The following KCNT1 variants were observed in gnomAD, a reference collection of about 807,000 sequenced individuals.
KCNT1 encodes potassium sodium-activated channel subfamily T member 1.
Under a neutral mutation model 147.8 loss-of-function variants are expected in KCNT1, and 78 were observed. That is an observed-to-expected ratio of 0.53 (90% CI 0.44 to 0.64). The LOEUF (loss-of-function observed/expected upper bound fraction) is 0.64, where lower values mean the gene tolerates loss of function less well. Ranked by LOEUF, KCNT1 falls within the 30% of genes least tolerant of loss-of-function variation. The pLI is 0.00. For missense variants in KCNT1, 1,419 were observed against 1,750.3 expected (o/e 0.81, Z 3.38); for synonymous variants, 867 against 748.8 (o/e 1.16, Z -2.58).
chr9:135,768,315 A>T (rs1218982778), intron 13 of KCNT1, among the ~76,000 whole-genome samples: 1 of 30,272 alleles, frequency 3.3e-5, no homozygotes, highest in African/African-American at 1.4e-4. Flanking sequence ...GCACACAAGG[A>T]TGCCCGTGGG....
chr9:135,707,091 C>T (rs1375925988), intron 1 of KCNT1, among the ~76,000 whole-genome samples: 2 of 150,066 alleles, frequency 1.3e-5, no homozygotes, highest in Admixed American at 6.7e-5. Flanking sequence ...TGGAGACCAA[C>T]TTAAGCAACA....
chr9:135,789,899 G>C (rs553453596), intron 29 of KCNT1: 1 of 152,298 alleles, frequency 6.6e-6, no homozygotes. Context: ...CGCGAAGCTA[G>C]TCCTCTGCGA....
rs1399451901 is a variant in KCNT1, at chr9:135,795,407, G to A, written c.*3246G>A. On this transcript the variant is annotated 3_prime_UTR_variant, in exon 31 of 31. Coordinates refer to ENST00000371757, the MANE Select transcript of KCNT1 (RefSeq NM_020822.3). ...TGCCGTGAGCTGAGATGGCACCACTGCACTCCAGCCTGGGTGGCAGAGAGA... is the reference window on the plus strand; with the variant it reads ...TGCCGTGAGCTGAGATGGCACCACTACACTCCAGCCTGGGTGGCAGAGAGA... The A allele has an allele frequency of 6.6e-6, 1 of 152,210 alleles. No homozygotes were observed. The highest frequency in any genetic ancestry group is 1.5e-5 in the Non-Finnish European group (1 of 68,046). The allele number at this position is 152,210 out of a possible 1,614,324, so 9.4% of individuals were successfully genotyped here. A position where few individuals can be genotyped will look rare whatever the true frequency, so the allele number is the denominator to read the frequency against.
chr9:135,763,120 C>T (rs902359465), intron 11 of KCNT1, among the ~76,000 whole-genome samples: 3 of 152,244 alleles, frequency 2.0e-5, no homozygotes, highest in Admixed American at 6.5e-5. Flanking sequence ...CTCCCATCAG[C>T]CCTGCCGGAC....
chr9:135,779,290 C>T, intron 23 of KCNT1, 69 bp from the exon 24 acceptor site: 1 of 886,032 alleles, frequency 1.1e-6, no homozygotes, highest in East Asian at 2.6e-5. Context: ...GCCACATGAT[C>T]ATGGGCCCCC....
intron 2 of KCNT1, among the ~76,000 whole-genome samples, chr9:135,738,267 C>A (rs963929603): frequency 6.6e-6 from 1 of 152,192 alleles, no homozygotes; most frequent in African/African-American, 2.4e-5. Context: ...CCCCGGCAGC[C>A]CCTGAGGTGC....
chr9:135,768,240 C>T (rs1302125223), intron 13 of KCNT1, among the ~76,000 whole-genome samples: 2 of 5,080 alleles, frequency 3.9e-4, no homozygotes, highest in East Asian at 0.022. Context: ...AGGATGCCTG[C>T]GGGGGGGGGG....
chr9:135,714,501 G>GC lies in KCNT1; in HGVS notation c.111-74dup. 1.1e-6 allele frequency: 1 copy of GC among 934,070 alleles called. No individual in the cohort carries two copies. The highest frequency in any genetic ancestry group is 1.8e-5 in the African/African-American group (1 of 55,668). The allele number at this position is 934,070 out of a possible 1,614,324, so 57.9% of individuals were successfully genotyped here. A position where few individuals can be genotyped will look rare whatever the true frequency, so the allele number is the denominator to read the frequency against. ...CCGCGGGCTGCGCTGCGCGGGCCGG[G>GC]CCTGGCGGGCCGGGGGCTGCGCGCG... On this transcript the variant is annotated intron_variant, in intron 1 of 30. Transcript: ENST00000371757. The surrounding 1 kb of genome is among the most constrained non-coding windows in gnomAD (Gnocchi z 6.2).
At chr9:135,739,152 C>G (rs1403500796) in intron 2 of KCNT1, among the ~76,000 whole-genome samples, 1 of 152,136 alleles carries the variant, frequency 6.6e-6, no homozygotes, top group Non-Finnish European at 1.5e-5. Context: ...GGCCCTAGCA[C>G]TGCACTGGGC....
At chr9:135,739,522 C>G (rs1408227434) in intron 2 of KCNT1, among the ~76,000 whole-genome samples, 1 of 151,998 alleles carries the variant, frequency 6.6e-6, no homozygotes, top group Non-Finnish European at 1.5e-5. Flanking sequence ...TCTCCAAGAA[C>G]CTGGCTGCTC....
intron 2 of KCNT1, among the ~76,000 whole-genome samples, chr9:135,736,028 G>A (rs1000075323): frequency 2.6e-5 from 4 of 152,254 alleles, no homozygotes; most frequent in African/African-American, 9.6e-5. Flanking sequence ...GGTGGGATCT[G>A]TGCCCGGTGC....
chr9:135,745,449 G>A (rs773193648), intron 2 of KCNT1, among the ~76,000 whole-genome samples: 64 of 152,350 alleles, frequency 4.2e-4, no homozygotes, highest in Middle Eastern at 3.4e-3. Context: ...GTCCACACCT[G>A]TGGCTTCATA....
intron 2 of KCNT1, chr9:135,736,988 C>A (rs1227378718): frequency 3.4e-6 from 1 of 290,534 alleles, no homozygotes; most frequent in East Asian, 5.3e-5. Flanking sequence ...CCACTCCCCC[C>A]ACGTAGGGGC....
intron 24 of KCNT1, among the ~76,000 whole-genome samples, chr9:135,782,190 C>T (rs903008812): frequency 5.3e-5 from 8 of 152,092 alleles, no homozygotes; most frequent in Admixed American, 1.3e-4. Context: ...GGCGACAGAG[C>T]GAGACCCTGT....
Position 135,725,050 on chromosome 9 carries a change from C to T in KCNT1, c.254+10330C>T, listed in dbSNP as rs116666814. 4.5e-3 allele frequency among the ~76,000 whole-genome samples: 678 copies of T among 152,326 alleles called. 3 individuals are homozygous for T. The highest frequency in any genetic ancestry group is 0.014 in the African/African-American group (577 of 41,578). ...CCCTGCCCCACCCAGGAGGCAACTG[C>T]GTGGGGGGGCGTGTGGTGGACACAT... On this transcript the variant is annotated intron_variant, in intron 2 of 30. Coordinates refer to ENST00000371757, the MANE Select transcript of KCNT1 (RefSeq NM_020822.3).
Position 135,786,590 on chromosome 9 carries a change from C to G in KCNT1, c.3502+69C>G. 4 of 1,419,550 alleles carry G rather than the reference C, an allele frequency of 2.8e-6. No homozygotes were observed. In the East Asian group the frequency reaches 8.1e-5, roughly 29 times the overall value. 87.9% of individuals were successfully genotyped at this position (1,419,550 alleles called of 1,614,324 possible). On this transcript the variant is annotated intron_variant, in intron 29 of 30. Transcript: ENST00000371757. ...GCCAGGGTCGGGCCACAGCCAAGAA[C>G]AGTCGGCCACGGCGTCCCGGGGCCC...
chr9:135,741,983 C>T (rs1177537743), intron 2 of KCNT1, among the ~76,000 whole-genome samples: 2 of 152,036 alleles, frequency 1.3e-5, no homozygotes. Context: ...ATCAGCCTCT[C>T]TCTCCGAGTT....
In KCNT1 at chr9:135,757,309, G is replaced by A. The variant is rs748796809; in HGVS notation, c.687G>A (p.Pro229=). 8.1e-6 allele frequency: 13 copies of A among 1,612,192 alleles called. No homozygotes were observed. Among genetic ancestry groups the A allele is most frequent in the South Asian group, 1.1e-5 (1 of 91,060 alleles). Residue 229 remains proline, a synonymous_variant, in exon 9 of 31, where the codon CCG becomes CCA. Transcript: ENST00000371757. ...TLPFIITIFW[P]PLRNLFIPVF... Reference sequence around the variant, plus strand: ...TGTCCCCTTCACAGATCTTCTGGCCGCCGCTGCGGAACCTGTTCATCCCCG... The same window carrying A: ...TGTCCCCTTCACAGATCTTCTGGCCACCGCTGCGGAACCTGTTCATCCCCG...
Position 135,777,613 on chromosome 9 carries a change from G to A in KCNT1, c.2522+103G>A, listed in dbSNP as rs185205365. 3.5e-3 allele frequency: 3,744 copies of A among 1,058,724 alleles called. 168 individuals are homozygous for A. In the Admixed American group the frequency reaches 0.083, roughly 23 times the overall value. 65.6% of individuals were successfully genotyped at this position (1,058,724 alleles called of 1,614,324 possible). ...CACCCTTCGCCTTTGCAGAGGGCACGGGAACATGGGGCCTCTGGCCTGGTC... is the reference window on the plus strand; with the variant it reads ...CACCCTTCGCCTTTGCAGAGGGCACAGGAACATGGGGCCTCTGGCCTGGTC... On this transcript the variant is annotated intron_variant, in intron 21 of 30. Transcript: ENST00000371757.
Sources: gnomAD v4.1 joint callset for allele counts (sites outside exome capture counted in the v4.1 genomes callset) on GRCh38, gnomAD v4.1.1 for gene constraint, Gnocchi (gnomAD v3.1) non-coding constraint, MANE v1.5 for transcripts, NCBI Gene and HGNC (gene_info 2026-07-23, HGNC 2026-07-21) for gene names.